Variants in CDH22 observed in about 807,000 individuals in gnomAD.
CDH22 encodes the protein cadherin 22.
CDH22 carries 30 observed loss-of-function variants against 58.4 expected under a neutral mutation model. The ratio of observed to expected loss-of-function variants is 0.51; its 90% CI spans 0.38 to 0.70. The LOEUF (loss-of-function observed/expected upper bound fraction) is 0.70, where lower values mean the gene tolerates loss of function less well. Among genes scored for constraint, CDH22 ranks in the 30% least tolerant of loss-of-function variants. The pLI is 0.00. For missense variants in CDH22, 1,014 were observed against 1,233.9 expected, an observed-to-expected ratio of 0.82 and a Z score of 2.67; for synonymous variants, 513 against 558.2, an observed-to-expected ratio of 0.92 and a Z score of 1.14.
intron 1 of CDH22, among the ~76,000 whole-genome samples, chr20:46,287,313 C>T (rs139615258): frequency 4.2e-4 from 64 of 152,224 alleles, no homozygotes; most frequent in African/African-American, 1.4e-3. Context: ...AGAAGTACTC[C>T]GTAAGTGTTA....
intron 4 of CDH22, chr20:46,219,852 G>T (rs1297763866): frequency 6.6e-6 from 1 of 152,274 alleles, no homozygotes; most frequent in Non-Finnish European, 1.5e-5. Context: ...CTTGTTGAAG[G>T]TCACACGTGT....
At chr20:46,209,012 A>T (rs2086020376) in intron 7 of CDH22, among the ~76,000 whole-genome samples, 3 of 152,240 alleles carry the variant, frequency 2.0e-5, no homozygotes, top group African/African-American at 4.8e-5. Flanking sequence ...CTACCCTCAG[A>T]CAGCTTACCT....
chr20:46,290,822 CAG>C (rs2086598527), intron 1 of CDH22, among the ~76,000 whole-genome samples: 1 of 151,954 alleles, frequency 6.6e-6, no homozygotes, highest in Admixed American at 6.6e-5. Context: ...TGCAGAGTTG[CAG>C]AGAGCCCAAG....
At chr20:46,258,857 C>T (rs957817632) in intron 1 of CDH22, among the ~76,000 whole-genome samples, 1 of 152,234 alleles carries the variant, frequency 6.6e-6, no homozygotes, top group Non-Finnish European at 1.5e-5. Context: ...ACCAACCACA[C>T]TGACTGCAGG....
At chr20:46,190,906 T>G (rs1432023826) in intron 8 of CDH22, among the ~76,000 whole-genome samples, 1 of 152,040 alleles carries the variant, frequency 6.6e-6, no homozygotes, top group Non-Finnish European at 1.5e-5. Flanking sequence ...TGCTGTGCAG[T>G]GGGGCAGGTC....
At chr20:46,292,745 C>T (rs936441637) in intron 1 of CDH22, among the ~76,000 whole-genome samples, 1 of 152,188 alleles carries the variant, frequency 6.6e-6, no homozygotes, top group Non-Finnish European at 1.5e-5. Flanking sequence ...TTGGTTCATG[C>T]TGCCCCTCTG....
intron 1 of CDH22, among the ~76,000 whole-genome samples, chr20:46,252,142 C>T (rs1237837949): frequency 6.6e-6 from 1 of 152,048 alleles, no homozygotes; most frequent in South Asian, 2.1e-4. Flanking sequence ...AAGTCCAGCA[C>T]CCAGCCCACC....
intron 1 of CDH22, among the ~76,000 whole-genome samples, chr20:46,306,019 C>G (rs899628723): frequency 6.6e-6 from 1 of 152,228 alleles, no homozygotes; most frequent in African/African-American, 2.4e-5. Context: ...GTGACTCACC[C>G]GGAGGTCACA....
At chr20:46,198,708 C>T (rs1055824347) in intron 8 of CDH22, among the ~76,000 whole-genome samples, 6 of 152,330 alleles carry the variant, frequency 3.9e-5, no homozygotes, top group Middle Eastern at 3.4e-3. Flanking sequence ...TGGCTGACCA[C>T]GCTGCCCCTC....
chr20:46,216,221 C>T lies in CDH22; in HGVS notation c.838+605G>A, dbSNP rs1441185550. On this transcript the variant is annotated intron_variant, in intron 5 of 11. Transcript: ENST00000537909. This position sits in a 1 kb window ranked among gnomAD's most constrained non-coding sequence, Gnocchi z 5.3. ...GCTGATAGGGAGCTGGGAGGCTGGGCCGGAGACATCCCCCAACCCCCGCTG... is the reference window on the plus strand; with the variant it reads ...GCTGATAGGGAGCTGGGAGGCTGGGTCGGAGACATCCCCCAACCCCCGCTG... 2.6e-5 allele frequency among the ~76,000 whole-genome samples: 4 copies of T among 152,142 alleles called. No homozygotes were observed. Among genetic ancestry groups the T allele is most frequent in the African/African-American group, 9.7e-5 (4 of 41,422 alleles).
intron 1 of CDH22, among the ~76,000 whole-genome samples, chr20:46,284,499 C>G (rs3904162): frequency 0.61 from 92,970 of 152,048 alleles, 29,040 homozygotes; most frequent in South Asian, 0.73. Flanking sequence ...GCTGTGCTGG[C>G]TGCTTTCTCT....
At position 46,174,084 on chromosome 20, in the gene CDH22, G is replaced by T. The variant is rs1006115765; in HGVS notation, c.*422C>A. 7.1e-5 allele frequency: 15 copies of T among 210,726 alleles called. No individual in the cohort carries two copies. Among genetic ancestry groups the T allele is most frequent in the Non-Finnish European group, 1.3e-4 (14 of 107,426 alleles). 13.1% of individuals were successfully genotyped at this position (210,726 alleles called of 1,614,324 possible). On this transcript the variant is annotated 3_prime_UTR_variant, in exon 12 of 12. Coordinates refer to ENST00000537909, the MANE Select transcript of CDH22 (RefSeq NM_021248.3). The surrounding 1 kb of genome is among the most constrained non-coding windows in gnomAD (Gnocchi z 4.4). The stretch of plus-strand genomic sequence containing the variant: ...TGTACAGCGTCCCAGCACACAGTAG[G>T]TGCTTAGTAAGTGAACAGCCTTCTT...
intron 1 of CDH22, among the ~76,000 whole-genome samples, chr20:46,284,437 A>G (rs944345141): frequency 6.6e-6 from 1 of 152,194 alleles, no homozygotes; most frequent in Admixed American, 6.5e-5. Context: ...ACCTTCTGGG[A>G]TCTTTGGGGG....
chr20:46,288,169 T>C (rs1434919798), intron 1 of CDH22, among the ~76,000 whole-genome samples: 1 of 152,126 alleles, frequency 6.6e-6, no homozygotes, highest in Non-Finnish European at 1.5e-5. Context: ...AGGGAGAATG[T>C]CCTTCCCCAA....
Position 46,215,880 on chromosome 20 carries a change from A to G in CDH22, c.838+946T>C, listed in dbSNP as rs113666680. Among the ~76,000 whole-genome samples, 6 of 151,998 alleles carry G rather than the reference A, an allele frequency of 3.9e-5. 1 individual carries two copies. Among genetic ancestry groups the G allele is most frequent in the African/African-American group, 9.7e-5 (4 of 41,434 alleles). ...TCAGGGGCTGGGGCTGGGCTGGGAG[A>G]TTGGGCAGTGGGATGGCTTCTGTGC... On this transcript the variant is annotated intron_variant, in intron 5 of 11. Coordinates refer to ENST00000537909, the MANE Select transcript of CDH22 (RefSeq NM_021248.3).
At chr20:46,291,232 G>A (rs573309119) in intron 1 of CDH22, among the ~76,000 whole-genome samples, 16 of 152,234 alleles carry the variant, frequency 1.1e-4, no homozygotes, top group East Asian at 1.9e-4. Flanking sequence ...AGCAGAGATC[G>A]CGCCACTGCA....
intron 1 of CDH22, among the ~76,000 whole-genome samples, chr20:46,255,351 AG>A (rs1193332899): frequency 6.6e-6 from 1 of 152,200 alleles, no homozygotes; most frequent in Non-Finnish European, 1.5e-5. Flanking sequence ...AGAGCCCAGG[AG>A]GACTCTACCA....
rs1360862514 is a variant in CDH22, at chr20:46,216,013, G to A, written c.838+813C>T. Among the ~76,000 whole-genome samples the A allele has an allele frequency of 6.6e-6, 1 of 152,208 alleles. No homozygotes were observed. The highest frequency in any genetic ancestry group is 6.5e-5 in the Admixed American group (1 of 15,286). On this transcript the variant is annotated intron_variant, in intron 5 of 11. Transcript: ENST00000537909. The surrounding 1 kb of genome is among the most constrained non-coding windows in gnomAD (Gnocchi z 5.3). ...ATGCTGCGCTCTCAGCTAAGGGATTGGATTCCCTTATCTCTCGGGGGTCAG... is the reference window on the plus strand; with the variant it reads ...ATGCTGCGCTCTCAGCTAAGGGATTAGATTCCCTTATCTCTCGGGGGTCAG...
At chr20:46,179,460 GC>G (rs891251439) in intron 10 of CDH22, among the ~76,000 whole-genome samples, 1 of 152,176 alleles carries the variant, frequency 6.6e-6, no homozygotes, top group African/African-American at 2.4e-5. Context: ...AGGAAAAGGA[GC>G]CCTACGAAGG....
Sources: gnomAD v4.1 joint callset for allele counts (sites outside exome capture counted in the v4.1 genomes callset) on GRCh38, gnomAD v4.1.1 for gene constraint, Gnocchi (gnomAD v3.1) non-coding constraint, MANE v1.5 for transcripts, NCBI Gene and HGNC (gene_info 2026-07-23, HGNC 2026-07-21) for gene names.